The following CTIF variants were observed in gnomAD, a reference collection of about 807,000 sequenced individuals.
CTIF encodes the protein CBP80/20-dependent translation initiation factor.
Under a neutral mutation model 66.0 loss-of-function variants are expected in CTIF, and 21 were observed. That is an observed-to-expected ratio of 0.32 (90% confidence interval 0.23 to 0.46). The LOEUF (loss-of-function observed/expected upper bound fraction) is 0.46. Among genes scored for constraint, CTIF ranks in the 20% least tolerant of loss-of-function variants. The pLI is 1.00. For missense variants in CTIF, 739 were observed against 812.7 expected (o/e 0.91, Z 1.10); for synonymous variants, 345 against 326.4 (o/e 1.06, Z -0.62).
chr18:48,556,420 T>C (rs2089022682), intron 1 of CTIF, among the ~76,000 whole-genome samples: 1 of 151,820 alleles, frequency 6.6e-6, no homozygotes, highest in Admixed American at 6.6e-5. Flanking sequence ...CAAGGGGAGG[T>C]GATGGTCTGC....
At chr18:48,738,673 G>A (rs2092526576) in intron 7 of CTIF, among the ~76,000 whole-genome samples, 1 of 152,158 alleles carries the variant, frequency 6.6e-6, no homozygotes, top group Non-Finnish European at 1.5e-5. Context: ...CTCCACCAGG[G>A]GTGCCCCCAC....
intron 10 of CTIF, among the ~76,000 whole-genome samples, chr18:48,820,886 C>T (rs1159818083): frequency 2.6e-5 from 4 of 152,230 alleles, no homozygotes; most frequent in Admixed American, 6.5e-5. Context: ...GGTCCTTGTG[C>T]TCACAGAGGC....
rs112454646 is a variant in CTIF at position 48,605,381 on chromosome 18, T to C, written c.-28-14157T>C. 6.7e-3 allele frequency among the ~76,000 whole-genome samples: 1,017 copies of C among 152,322 alleles called. 7 individuals carry two copies. The highest frequency in any genetic ancestry group is 0.041 in the Middle Eastern group (12 of 294). On this transcript the variant is annotated intron_variant, in intron 1 of 11. Transcript: ENST00000256413. The stretch of plus-strand genomic sequence containing the variant: ...CAGTTGAGGCTATGGGAGGCTCCTT[T>C]CTGGCCTTATATCCCCTCCTTCTCC...
chr18:48,558,555 T>C (rs141680683), intron 1 of CTIF, among the ~76,000 whole-genome samples: 2 of 152,382 alleles, frequency 1.3e-5, no homozygotes, highest in Non-Finnish European at 2.9e-5. Flanking sequence ...ATAAAACCTT[T>C]ATACATATAA....
At position 48,758,055 on chromosome 18, in the gene CTIF, C is replaced by A; in HGVS notation, c.721C>A (p.His241Asn). ...SAPHPSGRPTHHGYSQNRRWH... is the reference protein window; with the variant it reads ...SAPHPSGRPTNHGYSQNRRWH... ...ACCCCACCCCTCAGGGAGGCCCACT[C>A]ACCATGGCTACAGCCAGAACCGGCG... Residue 241 changes from histidine to asparagine, a missense_variant, in exon 8 of 12, where the codon CAC (histidine) becomes AAC (asparagine). Physicochemically the swap from His to Asn is moderately conservative, Grantham distance 68 (BLOSUM62 1). This residue lies in a region of CTIF where 529 missense variants were observed against 520.3 expected (regional missense o/e 1.02). Transcript: ENST00000256413. 1.9e-6 allele frequency: 3 copies of A among 1,614,092 alleles called. No individual in the cohort carries two copies. The highest frequency in any genetic ancestry group is 2.5e-6 in the Non-Finnish European group (3 of 1,180,016).
chr18:48,628,424 G>T (rs1377559905), intron 2 of CTIF, among the ~76,000 whole-genome samples: 1 of 152,108 alleles, frequency 6.6e-6, no homozygotes, highest in Non-Finnish European at 1.5e-5. Context: ...TGTTTGCATT[G>T]TTTCTCACAT....
chr18:48,669,201 T>A (rs1273308861), intron 5 of CTIF, among the ~76,000 whole-genome samples: 1 of 152,070 alleles, frequency 6.6e-6, no homozygotes, highest in Non-Finnish European at 1.5e-5. Context: ...ATTTTTTTTT[T>A]GGTTCACAAG....
intron 6 of CTIF, among the ~76,000 whole-genome samples, chr18:48,687,305 G>GACACACAC (rs3082465): frequency 0.045 from 5,729 of 128,554 alleles, 228 homozygotes; most frequent in African/African-American, 0.084. Context: ...TCTAGGAGGG[G>GACACACAC]ACACACACAC....
At chr18:48,702,623 T>A (rs1272003395) in intron 6 of CTIF, among the ~76,000 whole-genome samples, 3 of 152,222 alleles carry the variant, frequency 2.0e-5, no homozygotes, top group Non-Finnish European at 4.4e-5. Context: ...ATTCCATGTT[T>A]ACTTTTATTG....
chr18:48,746,697 CAG>C (rs2092599506), intron 7 of CTIF, among the ~76,000 whole-genome samples: 1 of 151,530 alleles, frequency 6.6e-6, no homozygotes, highest in Admixed American at 6.6e-5. Context: ...CATCCAGAAA[CAG>C]AGACTTTGAA....
chr18:48,661,576 A>G (rs60786698), intron 3 of CTIF, among the ~76,000 whole-genome samples: 140 of 152,260 alleles, frequency 9.2e-4, no homozygotes, highest in African/African-American at 3.2e-3. Flanking sequence ...TCAGAGTTGC[A>G]CTTGGAGCAA....
intron 1 of CTIF, among the ~76,000 whole-genome samples, chr18:48,606,071 C>T (rs960676434): frequency 2.0e-5 from 3 of 152,192 alleles, no homozygotes; most frequent in Admixed American, 6.5e-5. Context: ...CCTCTGTAAT[C>T]GGGCTTTATG....
intron 2 of CTIF, chr18:48,625,384 T>G: frequency 7.9e-5 from 14 of 177,662 alleles, no homozygotes; most frequent in Non-Finnish European, 1.4e-4. Context: ...AATAATTAAA[T>G]TCTCCTGAGC....
chr18:48,569,999 T>C (rs1014031270), intron 1 of CTIF, among the ~76,000 whole-genome samples: 2 of 152,228 alleles, frequency 1.3e-5, no homozygotes, highest in African/African-American at 4.8e-5. Context: ...GTGACTTTTG[T>C]CCGAACTTCA....
intron 9 of CTIF, among the ~76,000 whole-genome samples, chr18:48,780,739 T>G (rs1599031853): frequency 6.6e-6 from 1 of 152,242 alleles, no homozygotes; most frequent in African/African-American, 2.4e-5. Context: ...GGCAGCGTGC[T>G]GGGGAGCCAG....
intron 1 of CTIF, among the ~76,000 whole-genome samples, chr18:48,560,603 T>C (rs909236893): frequency 2.6e-5 from 4 of 151,204 alleles, no homozygotes; most frequent in African/African-American, 9.7e-5. Flanking sequence ...CAGAATCTTG[T>C]TCTGATGCCC....
rs543112607 is a variant in CTIF, at chr18:48,587,177, G to A, written c.-28-32361G>A. On this transcript the variant is annotated intron_variant, in intron 1 of 11. Coordinates refer to ENST00000256413, the MANE Select transcript of CTIF (RefSeq NM_014772.3). ...GCTCACCACAACCTCCACCTCTCAG[G>A]TTCAGGCGATTCTCCTGCCTCAGCC... 2.3e-4 allele frequency among the ~76,000 whole-genome samples: 35 copies of A among 151,182 alleles called. 1 individual carries two copies. The South Asian group carries it at 7.1e-3, about 31-fold the overall frequency.
At chr18:48,673,736 G>T (rs1275544715) in intron 6 of CTIF, 1 of 152,152 alleles carries the variant, frequency 6.6e-6, no homozygotes, top group Non-Finnish European at 1.5e-5. Context: ...CCAACCTGTG[G>T]CCCAGGATGG....
At chr18:48,581,039 C>T (rs528274224) in intron 1 of CTIF, among the ~76,000 whole-genome samples, 1 of 152,338 alleles carries the variant, frequency 6.6e-6, no homozygotes, top group Middle Eastern at 3.4e-3. Flanking sequence ...TTTAGCAATG[C>T]GATGCCACAA....
Sources: allele counts gnomAD v4.1 joint callset (sites outside exome capture counted in the v4.1 genomes callset), GRCh38; gene constraint gnomAD v4.1.1; regional missense constraint gnomAD v4.1.1; transcripts MANE v1.5; gene names NCBI Gene and HGNC (gene_info 2026-07-23, HGNC 2026-07-21).